The following PAX5 variants were observed in gnomAD, a reference collection of about 807,000 sequenced individuals.
The protein encoded by PAX5 is paired box 5, also known as paired box protein Pax-5.
PAX5 carries 9 observed loss-of-function variants against 43.7 expected under a neutral mutation model. That is an observed-to-expected ratio of 0.21 (90% CI 0.12 to 0.36). The LOEUF (loss-of-function observed/expected upper bound fraction) is 0.36, where lower values mean the gene tolerates loss of function less well. PAX5 is among the 10% of genes least tolerant of loss of function. The pLI is 1.00. For missense variants in PAX5, 383 were observed against 532.7 expected, an observed-to-expected ratio of 0.72 and a Z score of 2.77; for synonymous variants, 228 against 214.3, an observed-to-expected ratio of 1.06 and a Z score of -0.56.
rs1821928687 is a variant in PAX5 at position 36,840,229 on chromosome 9, A to G, written c.*331T>C. The G allele has an allele frequency of 2.0e-6, 1 of 494,974 alleles. No homozygotes were observed. The allele number at this position is 494,974 out of a possible 1,614,324, so 30.7% of individuals were successfully genotyped here. On this transcript the variant is annotated 3_prime_UTR_variant, in exon 10 of 10. Coordinates refer to ENST00000358127, the MANE Select transcript of PAX5 (RefSeq NM_016734.3). ...CTCTCCTTCCCAGGCTGGGGTGGTTATGATGGATGGATAGTCAGACAGCTG... is the reference window on the plus strand; with the variant it reads ...CTCTCCTTCCCAGGCTGGGGTGGTTGTGATGGATGGATAGTCAGACAGCTG...
chr9:37,020,954 G>A (rs940202242), intron 1 of PAX5, among the ~76,000 whole-genome samples, 153 bp from the exon 2 acceptor site: 1 of 152,208 alleles, frequency 6.6e-6, no homozygotes, highest in African/African-American at 2.4e-5. Context: ...CAAACTACAC[G>A]AAGTCCCCAG....
chr9:36,871,559 C>T (rs1022107692), intron 8 of PAX5, among the ~76,000 whole-genome samples: 2 of 152,230 alleles, frequency 1.3e-5, no homozygotes, highest in African/African-American at 4.8e-5. Flanking sequence ...TAGCATTCCC[C>T]TTCATCTCCT....
At chr9:36,846,620 C>T (rs1398854173) in intron 9 of PAX5, among the ~76,000 whole-genome samples, 1 of 152,164 alleles carries the variant, frequency 6.6e-6, no homozygotes, top group African/African-American at 2.4e-5. Context: ...TTTTCCTAAC[C>T]CACCAAAGCA....
intron 7 of PAX5, among the ~76,000 whole-genome samples, chr9:36,911,530 C>T (rs542427277): frequency 5.3e-5 from 8 of 152,252 alleles, no homozygotes; most frequent in Non-Finnish European, 7.3e-5. Context: ...GGCCGACACT[C>T]AGTTGCAGGG....
chr9:36,862,422 G>A (rs886521459), intron 8 of PAX5, among the ~76,000 whole-genome samples: 1 of 152,156 alleles, frequency 6.6e-6, no homozygotes, highest in African/African-American at 2.4e-5. Context: ...ACCGCGTTCT[G>A]GGGTGGGAAT....
chr9:36,955,171 T>C (rs1260010167), intron 6 of PAX5, among the ~76,000 whole-genome samples: 1 of 152,198 alleles, frequency 6.6e-6, no homozygotes, highest in Non-Finnish European at 1.5e-5. Context: ...CTCTTTCAAA[T>C]TGTCTGCTAT....
intron 6 of PAX5, among the ~76,000 whole-genome samples, chr9:36,947,972 T>C (rs1293745232): frequency 1.3e-5 from 2 of 152,128 alleles, no homozygotes; most frequent in Non-Finnish European, 2.9e-5. Flanking sequence ...TCTATATCAC[T>C]GAGACATTCC....
chr9:36,905,999 CAG>C lies in PAX5; in HGVS notation c.910+17354_910+17355del, dbSNP rs370536864. Among the ~76,000 whole-genome samples, 434 of 152,242 alleles carry C rather than the reference CAG, an allele frequency of 2.9e-3. 5 individuals carry two copies. Among genetic ancestry groups the C allele is most frequent in the African/African-American group, 0.01 (428 of 41,534 alleles). ...CAGAGTGAGAACCAGCCAGTGCTCA[CAG>C]AGAGAGTGGAGAAAGAACAGGCAGA... On this transcript the variant is annotated intron_variant, in intron 7 of 9. Transcript: ENST00000358127.
At chr9:36,934,155 C>T (rs188852849) in intron 6 of PAX5, among the ~76,000 whole-genome samples, 14 of 152,326 alleles carry the variant, frequency 9.2e-5, no homozygotes, top group Admixed American at 3.3e-4. Flanking sequence ...AAGCCTGACA[C>T]GGCCAAGTCT....
intron 3 of PAX5, chr9:37,007,445 T>C (rs1838512190): frequency 1.3e-5 from 2 of 152,240 alleles, no homozygotes; most frequent in African/African-American, 4.8e-5. Flanking sequence ...AACATCCTTC[T>C]GCAGAACCTT....
At position 37,019,380 on chromosome 9, in the gene PAX5, C is replaced by CA. The variant is rs565020525; in HGVS notation, c.212+1255dup. 2.0e-5 allele frequency among the ~76,000 whole-genome samples: 3 copies of CA among 152,110 alleles called. No homozygotes were observed. In the South Asian group the frequency reaches 6.3e-4, roughly 32 times the overall value. ...GAGTGCTAAACAGGAGTGAAGCCCACAGCCCCCACAGCTCAGGTAACCTGC... is the reference window on the plus strand; with the variant it reads ...GAGTGCTAAACAGGAGTGAAGCCCACAAGCCCCCACAGCTCAGGTAACCTGC... On this transcript the variant is annotated intron_variant, in intron 2 of 9. Coordinates refer to ENST00000358127, the MANE Select transcript of PAX5 (RefSeq NM_016734.3).
At chr9:36,933,009 G>T (rs1474967130) in intron 6 of PAX5, among the ~76,000 whole-genome samples, 2 of 151,720 alleles carry the variant, frequency 1.3e-5, no homozygotes, top group Non-Finnish European at 2.9e-5. Flanking sequence ...TACAAAAATA[G>T]TCAGGCTGTG....
At chr9:36,956,866 A>T (rs148734227) in intron 6 of PAX5, among the ~76,000 whole-genome samples, 3 of 152,320 alleles carry the variant, frequency 2.0e-5, no homozygotes, top group African/African-American at 7.2e-5. Flanking sequence ...ACTTCTAGAG[A>T]TCTAGGGAGC....
intron 6 of PAX5, among the ~76,000 whole-genome samples, chr9:36,949,181 C>T (rs113486208): frequency 0.013 from 1,954 of 152,224 alleles, 50 homozygotes; most frequent in African/African-American, 0.045. Flanking sequence ...CTGCCTCAGC[C>T]TCCCAAGCAG....
chr9:36,929,054 C>T (rs963034120), intron 6 of PAX5, among the ~76,000 whole-genome samples: 2 of 152,182 alleles, frequency 1.3e-5, no homozygotes, highest in African/African-American at 4.8e-5. Context: ...TTGCTGGCTC[C>T]TGCCACAATG....
chr9:36,911,843 A>G (rs1829321323), intron 7 of PAX5, among the ~76,000 whole-genome samples: 1 of 152,240 alleles, frequency 6.6e-6, no homozygotes, highest in African/African-American at 2.4e-5. Context: ...CACTCAGCCC[A>G]GCAGAGGGTC....
intron 5 of PAX5, among the ~76,000 whole-genome samples, chr9:37,001,175 A>T (rs577143693): frequency 1.3e-3 from 194 of 152,342 alleles, no homozygotes; most frequent in African/African-American, 4.2e-3. Context: ...ACTGCAAGCC[A>T]ATATAGCACT....
intron 6 of PAX5, among the ~76,000 whole-genome samples, chr9:36,924,138 T>G (rs1005156988): frequency 1.3e-5 from 2 of 152,224 alleles, no homozygotes; most frequent in African/African-American, 4.8e-5. Context: ...TAGAAGCAGG[T>G]AAACACCTGT....
At chr9:36,907,085 A>G (rs1216806686) in intron 7 of PAX5, among the ~76,000 whole-genome samples, 1 of 152,148 alleles carries the variant, frequency 6.6e-6, no homozygotes, top group African/African-American at 2.4e-5. Flanking sequence ...GGGGCTTGGT[A>G]CCAAGGGAAG....
Sources: allele counts gnomAD v4.1 joint callset (sites outside exome capture counted in the v4.1 genomes callset), GRCh38; gene constraint gnomAD v4.1.1; transcripts MANE v1.5; gene names NCBI Gene and HGNC (gene_info 2026-07-23, HGNC 2026-07-21).